The following NFIC variants were observed in gnomAD, a reference collection of about 807,000 sequenced individuals.
NFIC encodes the protein nuclear factor I C, also known as nuclear factor 1 C-type.
Under a neutral mutation model 54.4 loss-of-function variants are expected in NFIC, and 12 were observed. That is an observed-to-expected ratio of 0.22 (90% CI 0.14 to 0.36). The LOEUF is 0.36. Ranked by LOEUF, NFIC falls within the 10% of genes least tolerant of loss-of-function variation. The pLI is 1.00. For synonymous variants in NFIC, 322 were observed against 319.2 expected (o/e 1.01, Z -0.09); for missense variants, 575 against 718.2 (o/e 0.80, Z 2.28).
In NFIC at chr19:3,414,650, A is replaced by G. The variant is rs529002022; in HGVS notation, c.563-10456A>G. ...AAATAAAATAAAATAAAATAAAATA[A>G]GGAAAAGACCATACTTAGCTGACTG... On this transcript the variant is annotated intron_variant, in intron 2 of 10. Transcript: ENST00000443272. Among the ~76,000 whole-genome samples, 5 of 144,480 alleles carry G rather than the reference A, an allele frequency of 3.5e-5. No individual in the cohort carries two copies. In the East Asian group the frequency reaches 1.0e-3, roughly 29 times the overall value. 94.8% of individuals were successfully genotyped at this position (144,480 alleles called of 152,430 possible).
rs1247923104 is a variant in NFIC, at chr19:3,469,014, T to C, written c.*6245T>C. The C allele has an allele frequency of 1.3e-5, 2 of 151,814 alleles. No individual in the cohort carries two copies. Among genetic ancestry groups the C allele is most frequent in the African/African-American group, 2.4e-5 (1 of 41,370 alleles). 9.4% of individuals were successfully genotyped at this position (151,814 alleles called of 1,614,324 possible). A position where few individuals can be genotyped will look rare whatever the true frequency, so the allele number is the denominator to read the frequency against. ...TAACCTTGTATATTACGCAGTCATTTTGGTTTTCGCGGACGCGCCTACCTA... is the reference window on the plus strand; with the variant it reads ...TAACCTTGTATATTACGCAGTCATTCTGGTTTTCGCGGACGCGCCTACCTA... On this transcript the variant is annotated 3_prime_UTR_variant, in exon 11 of 11. Coordinates refer to ENST00000443272, the MANE Select transcript of NFIC (RefSeq NM_001245002.2).
chr19:3,421,008 C>T (rs2081946212), intron 2 of NFIC, among the ~76,000 whole-genome samples: 2 of 152,340 alleles, frequency 1.3e-5, no homozygotes, highest in Admixed American at 1.3e-4. Flanking sequence ...CAGGCGTGAG[C>T]CACCGCGCCC....
At position 3,430,837 on chromosome 19, in the gene NFIC, C is replaced by T. The variant is rs530226720; in HGVS notation, c.635-2681C>T. On this transcript the variant is annotated intron_variant, in intron 3 of 10. Coordinates refer to ENST00000443272, the MANE Select transcript of NFIC (RefSeq NM_001245002.2). The stretch of plus-strand genomic sequence containing the variant: ...ATCCCAGCTACTTGGGAGGCTGAGA[C>T]AGGAGAATCGCTTGAACCTGGGAGG... 2.0e-5 allele frequency among the ~76,000 whole-genome samples: 3 copies of T among 150,204 alleles called. 1 individual carries two copies. Among genetic ancestry groups the T allele is most frequent in the African/African-American group, 4.9e-5 (2 of 40,828 alleles).
intron 2 of NFIC, among the ~76,000 whole-genome samples, chr19:3,411,726 T>C (rs1400640636): frequency 6.6e-6 from 1 of 152,124 alleles, no homozygotes; most frequent in Non-Finnish European, 1.5e-5. Context: ...TAAAGTCTGC[T>C]CACATCCGGC....
intron 1 of NFIC, among the ~76,000 whole-genome samples, chr19:3,376,428 C>CAAAAAAAAAAAAA (rs35724239): frequency 2.1e-5 from 1 of 48,170 alleles, no homozygotes; most frequent in Non-Finnish European, 3.6e-5. Flanking sequence ...GACACTGTCT[C>CAAAAAAAAAAAAA]AAAAAAAAAA....
At chr19:3,441,661 G>T (rs2082295595) in intron 6 of NFIC, among the ~76,000 whole-genome samples, 1 of 152,220 alleles carries the variant, frequency 6.6e-6, no homozygotes, top group Admixed American at 6.5e-5. Context: ...GGCCAGAGGG[G>T]CCCAAGGGAA....
chr19:3,365,071 A>G (rs868170310), upstream of NFIC, among the ~76,000 whole-genome samples: 1 of 152,260 alleles, frequency 6.6e-6, no homozygotes. Flanking sequence ...TGGGGGGCCT[A>G]GGGAACCTAC....
rs1257733668 is a variant in NFIC, at chr19:3,464,460, G to C, written c.*1691G>C. 4.1e-6 allele frequency: 4 copies of C among 984,142 alleles called. No individual in the cohort carries two copies. The Admixed American group carries it at 2.5e-4, about 61-fold the overall frequency. 61.0% of individuals were successfully genotyped at this position (984,142 alleles called of 1,614,324 possible). ...CCACCCCAGGATCGCCATCTTTAGGGGAGGCCTGGGAGGGGGTGTTAGGTG... is the reference window on the plus strand; with the variant it reads ...CCACCCCAGGATCGCCATCTTTAGGCGAGGCCTGGGAGGGGGTGTTAGGTG... On this transcript the variant is annotated 3_prime_UTR_variant, in exon 11 of 11. Coordinates refer to ENST00000443272, the MANE Select transcript of NFIC (RefSeq NM_001245002.2).
chr19:3,448,199 A>G (rs2069120908), intron 6 of NFIC, among the ~76,000 whole-genome samples: 1 of 152,150 alleles, frequency 6.6e-6, no homozygotes, highest in Non-Finnish European at 1.5e-5. Flanking sequence ...CAGCCTCCCA[A>G]GTAGCTGGGA....
At chr19:3,460,463 G>A (rs991753225) in intron 10 of NFIC, among the ~76,000 whole-genome samples, 4 of 152,146 alleles carry the variant, frequency 2.6e-5, no homozygotes, top group Non-Finnish European at 4.4e-5. Flanking sequence ...CCTCCTTCAC[G>A]GGGATACCGG....
chr19:3,367,779 A>C (rs1420289093), intron 1 of NFIC, among the ~76,000 whole-genome samples: 1 of 152,152 alleles, frequency 6.6e-6, no homozygotes, highest in Non-Finnish European at 1.5e-5. Context: ...CAAACTGTAA[A>C]GTCCCGGCAC....
At chr19:3,361,867 A>G (rs2080816182), upstream of NFIC, among the ~76,000 whole-genome samples, 1 of 151,462 alleles carries the variant, frequency 6.6e-6, no homozygotes, top group Non-Finnish European at 1.5e-5. Flanking sequence ...CACACACGAC[A>G]CTCCCTCACG....
chr19:3,400,310 C>T (rs1052185910), intron 2 of NFIC, among the ~76,000 whole-genome samples: 2 of 151,974 alleles, frequency 1.3e-5, no homozygotes, highest in African/African-American at 4.8e-5. Flanking sequence ...CCCGTCTCTA[C>T]TAAAAATACA....
At chr19:3,460,650 A>T (rs1387755120) in intron 10 of NFIC, among the ~76,000 whole-genome samples, 1 of 151,958 alleles carries the variant, frequency 6.6e-6, no homozygotes, top group Non-Finnish European at 1.5e-5. Flanking sequence ...AGTAGCTGGG[A>T]TTACAGGCAC....
intron 2 of NFIC, among the ~76,000 whole-genome samples, chr19:3,388,188 G>A (rs1365281474): frequency 6.6e-6 from 1 of 152,176 alleles, no homozygotes; most frequent in Admixed American, 6.5e-5. Flanking sequence ...CTCATAGCAC[G>A]CCAGAGAGGC....
chr19:3,448,776 G>C (rs570206121), intron 6 of NFIC, among the ~76,000 whole-genome samples: 3 of 152,262 alleles, frequency 2.0e-5, no homozygotes, highest in African/African-American at 4.8e-5. Context: ...CCAGGGGCAC[G>C]TGTTGATACC....
chr19:3,415,119 T>C (rs996056674), intron 2 of NFIC, among the ~76,000 whole-genome samples: 2 of 152,034 alleles, frequency 1.3e-5, no homozygotes, highest in Non-Finnish European at 2.9e-5. Context: ...GGATTACAGG[T>C]GTGAGCCACC....
At chr19:3,414,997 AC>A (rs2081829865) in intron 2 of NFIC, among the ~76,000 whole-genome samples, 1 of 151,584 alleles carries the variant, frequency 6.6e-6, no homozygotes, top group African/African-American at 2.4e-5. Context: ...CTGCCGCCAC[AC>A]CCGGCTAATT....
At chr19:3,450,951 C>A (rs2082453643) in intron 7 of NFIC, among the ~76,000 whole-genome samples, 1 of 152,194 alleles carries the variant, frequency 6.6e-6, no homozygotes, top group South Asian at 2.1e-4. Flanking sequence ...CTCACCCTGT[C>A]TTGGCAGGGC....
Sources: allele counts gnomAD v4.1 joint callset (sites outside exome capture counted in the v4.1 genomes callset), GRCh38; gene constraint gnomAD v4.1.1; transcripts MANE v1.5; gene names NCBI Gene and HGNC (gene_info 2026-07-23, HGNC 2026-07-21).